The following TDRD12 variants were observed in gnomAD, a reference collection of about 807,000 sequenced individuals.
TDRD12 encodes putative ATP-dependent RNA helicase TDRD12.
A neutral mutation model predicts 133.5 loss-of-function variants in TDRD12; 158 were observed. The observed-to-expected ratio is 1.18, with a 90% CI of 1.04 to 1.35. The LOEUF (loss-of-function observed/expected upper bound fraction) is 1.35, where lower values mean the gene tolerates loss of function less well. Ranked by LOEUF, TDRD12 falls within the 40% of genes most tolerant of loss-of-function variation. The probability of loss-of-function intolerance (pLI) is 0.00; values close to 1 mark genes in which losing one functional copy is unlikely to be tolerated. For synonymous variants in TDRD12, 460 were observed against 477.9 expected (o/e 0.96, Z 0.49); for missense variants, 1,443 against 1,321.3 (o/e 1.09, Z -1.43).
chr19:32,770,495 G>C (rs1176318710), intron 8 of TDRD12, among the ~76,000 whole-genome samples: 1 of 151,922 alleles, frequency 6.6e-6, no homozygotes, highest in African/African-American at 2.4e-5. Flanking sequence ...ATCATTGTCT[G>C]TCCTCACATC....
chr19:32,791,068 G>T, exon 13 of TDRD12: 1 of 1,528,284 alleles, frequency 6.5e-7, no homozygotes, highest in Non-Finnish European at 8.7e-7. Context: ...ACCTGAAGAA[G>T]GTAAAAGTGC....
chr19:32,775,144 ACT>A (rs1395977973), intron 10 of TDRD12, among the ~76,000 whole-genome samples: 1 of 151,802 alleles, frequency 6.6e-6, no homozygotes, highest in Non-Finnish European at 1.5e-5. Context: ...CCTTTTAGAG[ACT>A]CTGATGAAAC....
intron 8 of TDRD12, among the ~76,000 whole-genome samples, chr19:32,761,297 A>AT (rs1260587084): frequency 1.3e-5 from 2 of 151,632 alleles, no homozygotes; most frequent in Non-Finnish European, 2.9e-5. Flanking sequence ...TTATTTTTTT[A>AT]TTTTTTGTAT....
At chr19:32,757,257 C>A in intron 8 of TDRD12, 127 bp downstream of exon 8, 3 of 759,710 alleles carry the variant, frequency 3.9e-6, no homozygotes, top group East Asian at 2.7e-5. Context: ...TTAATGTAAC[C>A]AATTTGTGAT....
At chr19:32,806,530 A>T (rs1032511195) in intron 21 of TDRD12, among the ~76,000 whole-genome samples, 3 of 151,808 alleles carry the variant, frequency 2.0e-5, no homozygotes, top group African/African-American at 7.3e-5. Flanking sequence ...TTTAGTAGAG[A>T]TGGGGTTCGC....
intron 21 of TDRD12, among the ~76,000 whole-genome samples, chr19:32,806,381 C>T (rs1167331815): frequency 7.3e-6 from 1 of 137,808 alleles, no homozygotes; most frequent in African/African-American, 2.8e-5. Flanking sequence ...CTGGCTCTGT[C>T]ACCCAGGCTA....
At chr19:32,796,168 C>T (rs918962276) in intron 14 of TDRD12, 2 of 985,268 alleles carry the variant, frequency 2.0e-6, no homozygotes, top group East Asian at 2.3e-4. Context: ...GGGCCTGGCA[C>T]TGAGGGTGCT....
chr19:32,794,092 C>CTTTTTTT (rs751938374), intron 13 of TDRD12, among the ~76,000 whole-genome samples: 3 of 49,858 alleles, frequency 6.0e-5, no homozygotes, highest in Non-Finnish European at 6.8e-5. Flanking sequence ...CTGTGCCTGG[C>CTTTTTTT]TTTTTTTTTT....
intron 21 of TDRD12, 120 bp from the exon 22 acceptor site, chr19:32,807,429 A>G (rs1296223105): frequency 1.7e-6 from 1 of 583,416 alleles, no homozygotes; most frequent in African/African-American, 1.9e-5. Context: ...TTCAGTCTTT[A>G]GGGTGTTTGG....
At chr19:32,822,784 T>C (rs529306484), downstream of TDRD12, among the ~76,000 whole-genome samples, 1 of 151,202 alleles carries the variant, frequency 6.6e-6, no homozygotes, top group Non-Finnish European at 1.5e-5. Context: ...CCCAAGCCCC[T>C]TGTGGAAGGA....
At chr19:32,819,973 C>T (rs1417288447) in intron 27 of TDRD12, among the ~76,000 whole-genome samples, 1 of 152,030 alleles carries the variant, frequency 6.6e-6, no homozygotes, top group African/African-American at 2.4e-5. Flanking sequence ...GCCTAGGGCT[C>T]AGGAAAGCAG....
At chr19:32,750,168 A>T (rs1445236326) in intron 6 of TDRD12, among the ~76,000 whole-genome samples, 2 of 152,182 alleles carry the variant, frequency 1.3e-5, no homozygotes, top group Admixed American at 6.5e-5. Context: ...AATTTGCTGT[A>T]GCGTTAGTTC....
intron 8 of TDRD12, among the ~76,000 whole-genome samples, chr19:32,758,946 A>G (rs1157245364): frequency 6.6e-6 from 1 of 152,070 alleles, no homozygotes; most frequent in Non-Finnish European, 1.5e-5. Context: ...AAAACAAAAT[A>G]AAATAAAATT....
chr19:32,820,077 C>T (rs1266061664), intron 27 of TDRD12, among the ~76,000 whole-genome samples: 2 of 152,092 alleles, frequency 1.3e-5, no homozygotes, highest in Non-Finnish European at 2.9e-5. Flanking sequence ...GAGGATCTAT[C>T]GAAGGAGAAG....
intron 10 of TDRD12, among the ~76,000 whole-genome samples, chr19:32,773,867 T>G (rs1038439409): frequency 6.6e-6 from 1 of 152,216 alleles, no homozygotes; most frequent in Non-Finnish European, 1.5e-5. Flanking sequence ...TGACACCTGG[T>G]TGGCAGCAAA....
At position 32,757,081 on chromosome 19, in the gene TDRD12, A is replaced by AT. The variant is rs768873670; in HGVS notation, c.817dup (p.Trp273LeufsTer8). On this transcript the variant is annotated frameshift_variant, in exon 8 of 28. Transcript: ENST00000444215. LOFTEE classifies it high-confidence loss of function. ...TTCCGGCACAATCTCTGCAACATAC[A>AT]TGGTGCAAGGGTATTGTCGGTGACC... 1.3e-6 allele frequency: 2 copies of AT among 1,551,766 alleles called. No homozygotes were observed.
At chr19:32,779,646 C>G (rs1201864361) in intron 11 of TDRD12, among the ~76,000 whole-genome samples, 1 of 152,176 alleles carries the variant, frequency 6.6e-6, no homozygotes, top group East Asian at 1.9e-4. Flanking sequence ...GGTGGCAAGG[C>G]AGCCTGGATT....
intron 19 of TDRD12, among the ~76,000 whole-genome samples, 184 bp downstream of exon 19, chr19:32,802,057 A>G (rs1971403813): frequency 6.6e-6 from 1 of 150,598 alleles, no homozygotes; most frequent in Non-Finnish European, 1.5e-5. Flanking sequence ...GTTGAGGTAA[A>G]TCTCTCAGGT....
At chr19:32,827,301 AAATGGAT>A (rs1192763436) in exon 10 of TDRD12, 25 of 1,185,428 alleles carry the variant, frequency 2.1e-5, no homozygotes, top group Non-Finnish European at 2.6e-5. Flanking sequence ...TGTTGAACAA[AAATGGAT>A]ATTGCCATGT....
Sources: allele counts gnomAD v4.1 joint callset (sites outside exome capture counted in the v4.1 genomes callset), GRCh38; gene constraint gnomAD v4.1.1; transcripts MANE v1.5; gene names NCBI Gene and HGNC (gene_info 2026-07-23, HGNC 2026-07-21).